HAT1: variants seen among roughly 807,000 people sequenced by gnomAD.
HAT1 encodes histone acetyltransferase type B catalytic subunit.
In HAT1, 20 loss-of-function variants were observed where a neutral mutation model predicts 56.6. The observed-to-expected ratio is 0.35, with a 90% CI of 0.25 to 0.51. HAT1 has a LOEUF of 0.51. Among genes scored for constraint, HAT1 ranks in the 20% least tolerant of loss-of-function variants. The pLI, the probability that HAT1 is intolerant of heterozygous loss-of-function variation, is 0.95. For synonymous variants in HAT1, 146 were observed against 165.5 expected, an observed-to-expected ratio of 0.88 and a Z score of 0.91; for missense variants, 408 against 504.3, an observed-to-expected ratio of 0.81 and a Z score of 1.83.
chr2:171,958,436 TAA>T (rs915333008), intron 4 of HAT1, among the ~76,000 whole-genome samples: 8 of 151,540 alleles, frequency 5.3e-5, no homozygotes, highest in African/African-American at 1.7e-4. Flanking sequence ...TCCCCCTCAT[TAA>T]AAAAAATATT....
intron 3 of HAT1, among the ~76,000 whole-genome samples, chr2:171,950,461 G>GT (rs1687280797): frequency 6.6e-6 from 1 of 151,474 alleles, no homozygotes; most frequent in African/African-American, 2.4e-5. Flanking sequence ...AATTACAGGC[G>GT]TGAGCCACTG....
intron 8 of HAT1, among the ~76,000 whole-genome samples, chr2:171,974,197 A>G (rs1440133001): frequency 2.4e-5 from 2 of 82,266 alleles, no homozygotes; most frequent in Admixed American, 1.4e-4. Flanking sequence ...AAAAAAGAAA[A>G]AAAGAAAAAG....
rs778288022 is a variant in HAT1 at position 171,965,931 on chromosome 2, A to AG, written c.611+24dup. On this transcript the variant is annotated intron_variant, in intron 6 of 10. Transcript: ENST00000264108. The stretch of plus-strand genomic sequence containing the variant: ...AGTGTAAGTACAGTTCTAAAGCAAC[A>AG]GTAGACCTTATTACCTCCACAAAGC... The AG allele has an allele frequency of 3.8e-6, 6 of 1,599,970 alleles. No individual in the cohort carries two copies. In the Admixed American group the frequency reaches 6.8e-5, roughly 18 times the overall value.
intron 8 of HAT1, among the ~76,000 whole-genome samples, chr2:171,974,173 C>CAAAAAAAAAAAAAAAAAAAAAAAAAA (rs1183466393): frequency 4.4e-5 from 2 of 45,570 alleles, no homozygotes; most frequent in African/African-American, 1.2e-4. Flanking sequence ...GACCCTGTCT[C>CAAAAAAAAAAAAAAAAAAAAAAAAAA]AAAAAAAAAA....
rs573662047 is a variant in HAT1 at position 171,975,324 on chromosome 2, C to CA, written c.824-830dup. Among the ~76,000 whole-genome samples, 132 of 152,210 alleles carry CA rather than the reference C, an allele frequency of 8.7e-4. 1 individual carries two copies. In the Middle Eastern group the frequency reaches 0.014, roughly 16 times the overall value. ...TTCACCATGTTGGCCAGGCTGGTCT[C>CA]AAACTCCTGACCTCAGGTGATCCGC... On this transcript the variant is annotated intron_variant, in intron 8 of 10. Transcript: ENST00000264108.
intron 2 of HAT1, among the ~76,000 whole-genome samples, chr2:171,946,266 T>A (rs1687161421): frequency 1.3e-5 from 2 of 152,248 alleles, no homozygotes; most frequent in African/African-American, 4.8e-5. Context: ...ACAACATAAA[T>A]GTCATCTAGC....
intron 2 of HAT1, among the ~76,000 whole-genome samples, chr2:171,942,230 T>C (rs1417568942): frequency 6.6e-6 from 1 of 152,236 alleles, no homozygotes; most frequent in East Asian, 1.9e-4. Context: ...AGTGCTTATT[T>C]TGAATTGTTT....
At chr2:171,924,943 A>T (rs1017417843) in intron 1 of HAT1, 1 of 152,188 alleles carries the variant, frequency 6.6e-6, no homozygotes, top group African/African-American at 2.4e-5. Context: ...TTGTATTAGT[A>T]CATGTTCAGA....
In HAT1 at chr2:171,950,340, A is replaced by AT. The variant is rs774283064; in HGVS notation, c.189-2529dup. Among the ~76,000 whole-genome samples, 1,391 of 143,712 alleles carry AT rather than the reference A, an allele frequency of 9.7e-3. 14 individuals carry two copies. Among genetic ancestry groups the AT allele is most frequent in the Non-Finnish European group, 0.016 (1,015 of 65,246 alleles). The allele number at this position is 143,712 out of a possible 152,430, so 94.3% of individuals were successfully genotyped here. A position where few individuals can be genotyped will look rare whatever the true frequency, so the allele number is the denominator to read the frequency against. ...AGGTGTGTGCCACCACACCCAGCTA[A>AT]TTTTTTTTTTTTGTAATTTTAGTAG... On this transcript the variant is annotated intron_variant, in intron 3 of 10. Transcript: ENST00000264108.
At chr2:171,965,192 C>T (rs1687654134) in intron 4 of HAT1, 146 bp from the exon 5 acceptor site, 2 of 588,804 alleles carry the variant, frequency 3.4e-6, no homozygotes, top group Non-Finnish European at 6.1e-6. Flanking sequence ...GGAAGCTCAT[C>T]CTTTTCCAAT....
intron 2 of HAT1, 61 bp from the exon 3 acceptor site, chr2:171,946,647 C>T: frequency 1.1e-6 from 1 of 941,114 alleles, no homozygotes; most frequent in South Asian, 1.4e-5. Flanking sequence ...ATAGGAATAC[C>T]TGTCACCTTC....
At chr2:171,922,591 C>T in intron 1 of HAT1, 84 bp downstream of exon 1, 1 of 1,147,712 alleles carries the variant, frequency 8.7e-7, no homozygotes, top group Non-Finnish European at 1.1e-6. Flanking sequence ...CAATGCCCGC[C>T]TAGAACTTTC....
chr2:171,973,399 G>GC (rs1687867523), intron 8 of HAT1, among the ~76,000 whole-genome samples: 1 of 34,918 alleles, frequency 2.9e-5, no homozygotes, highest in African/African-American at 1.4e-4. Context: ...ACCAATTTCT[G>GC]CAAAAAAAAA....
intron 2 of HAT1, among the ~76,000 whole-genome samples, chr2:171,944,708 G>A (rs1046195981): frequency 3.3e-5 from 5 of 152,180 alleles, no homozygotes; most frequent in Admixed American, 6.6e-5. Context: ...GTCCCACAAT[G>A]AATGATGCTA....
chr2:171,982,408 C>G (rs1423560176), intron 10 of HAT1, among the ~76,000 whole-genome samples: 1 of 152,186 alleles, frequency 6.6e-6, no homozygotes, highest in African/African-American at 2.4e-5. Flanking sequence ...AGTATTTTCT[C>G]CCCTAAATCT....
chr2:171,946,821 GAA>G (rs746011580), intron 3 of HAT1, 38 bp downstream of exon 3: 10 of 912,618 alleles, frequency 1.1e-5, no homozygotes, highest in Non-Finnish European at 1.7e-5. Flanking sequence ...AATTAGTATG[GAA>G]AAAAAAATTT....
intron 4 of HAT1, among the ~76,000 whole-genome samples, chr2:171,964,069 C>T (rs557476237): frequency 5.3e-5 from 8 of 152,194 alleles, no homozygotes; most frequent in Non-Finnish European, 1.0e-4. Context: ...GTTCTCTATC[C>T]TGAAATGTAA....
intron 10 of HAT1, chr2:171,980,680 A>G (rs2105350123): frequency 6.6e-6 from 1 of 151,898 alleles, no homozygotes; most frequent in East Asian, 1.9e-4. Flanking sequence ...ACATGGCAAA[A>G]CCTCGCCTCT....
intron 2 of HAT1, among the ~76,000 whole-genome samples, chr2:171,934,833 G>A (rs1030356323): frequency 7.1e-6 from 1 of 141,076 alleles, no homozygotes; most frequent in African/African-American, 2.6e-5. Flanking sequence ...TCAGCTCACT[G>A]CAACCTCCGC....
Sources: gnomAD v4.1 joint callset for allele counts (sites outside exome capture counted in the v4.1 genomes callset) on GRCh38, gnomAD v4.1.1 for gene constraint, MANE v1.5 for transcripts, NCBI Gene and HGNC (gene_info 2026-07-23, HGNC 2026-07-21) for gene names.